DCT: variants seen among roughly 807,000 people sequenced by gnomAD.
The protein encoded by DCT is L-dopachrome tautomerase.
A neutral mutation model predicts 53.0 loss-of-function variants in DCT; 47 were observed. The observed-to-expected ratio is 0.89, with a 90% CI of 0.70 to 1.13. DCT has a LOEUF of 1.13. Among genes scored for constraint, DCT ranks in the 50% most tolerant of loss-of-function variants. The pLI is 0.00. For missense variants in DCT, 669 were observed against 637.4 expected (o/e 1.05, Z -0.53); for synonymous variants, 244 against 237.0 (o/e 1.03, Z -0.27).
the DCT span, among the ~76,000 whole-genome samples, chr13:94,498,964 C>G: frequency 2.0e-4 from 30 of 151,994 alleles, no homozygotes; most frequent in African/African-American, 6.0e-4. Flanking sequence ...GTAAAATGGA[C>G]CAATCAGCAC....
chr13:94,452,278 C>A (rs1191747848), intron 6 of DCT, among the ~76,000 whole-genome samples: 1 of 152,188 alleles, frequency 6.6e-6, no homozygotes, highest in Non-Finnish European at 1.5e-5. Context: ...GGTAACCCAC[C>A]CACCTCAGCC....
chr13:94,446,656 C>T (rs145577346), intron 6 of DCT, among the ~76,000 whole-genome samples: 52 of 152,136 alleles, frequency 3.4e-4, no homozygotes, highest in Non-Finnish European at 6.6e-4. Context: ...GACAGTGTCT[C>T]GCTTCTAGGC....
chr13:94,459,255 T>C (rs9516418), intron 6 of DCT, among the ~76,000 whole-genome samples: 55,177 of 152,052 alleles, frequency 0.36, 10,290 homozygotes, highest in African/African-American at 0.39. Context: ...GAAATTTAAA[T>C]AACTGTGAGG....
At chr13:94,499,987 T>C in the DCT span, among the ~76,000 whole-genome samples, 1 of 152,248 alleles carries the variant, frequency 6.6e-6, no homozygotes, top group Non-Finnish European at 1.5e-5. Context: ...AACATATCCA[T>C]AACATATAGT....
At chr13:94,490,360 C>T in the DCT span, among the ~76,000 whole-genome samples, 11 of 151,934 alleles carry the variant, frequency 7.2e-5, no homozygotes, top group East Asian at 1.9e-4. Context: ...CAAAAATTAG[C>T]TGGGCATGGT....
At chr13:94,472,018 A>C (rs919970115) in intron 1 of DCT, among the ~76,000 whole-genome samples, 2 of 152,202 alleles carry the variant, frequency 1.3e-5, no homozygotes, top group African/African-American at 4.8e-5. Flanking sequence ...AATATTTAAA[A>C]ATATTAATAA....
At chr13:94,544,110 G>C in the DCT span, among the ~76,000 whole-genome samples, 1 of 151,264 alleles carries the variant, frequency 6.6e-6, no homozygotes, top group Non-Finnish European at 1.5e-5. Flanking sequence ...TTTATACTTA[G>C]AGCTCATGTT....
chr13:94,478,374 G>A (rs984605917), intron 1 of DCT, among the ~76,000 whole-genome samples: 2 of 152,100 alleles, frequency 1.3e-5, no homozygotes, highest in Non-Finnish European at 2.9e-5. Flanking sequence ...CTACTTGGGA[G>A]GCTGAGGCAG....
chr13:94,462,077 G>GT lies in DCT; in HGVS notation c.975dup (p.Arg326ThrfsTer10), dbSNP rs1883839080. The GT allele has an allele frequency of 1.9e-6, 3 of 1,612,992 alleles. No homozygotes were observed. The East Asian group carries it at 6.7e-5, about 36-fold the overall frequency. On this transcript the variant is annotated frameshift_variant, in exon 5 of 8. Transcript: ENST00000377028. LOFTEE classifies it high-confidence loss of function. ...AACTTCTGGAGAGACAGGCAATCTC[G>GT]TATGTCTTTTAAGGTTGGCAATTTC...
At chr13:94,505,527 T>C in the DCT span, among the ~76,000 whole-genome samples, 1 of 152,206 alleles carries the variant, frequency 6.6e-6, no homozygotes, top group Non-Finnish European at 1.5e-5. Context: ...CTTGAGAATG[T>C]AAGCCATCTG....
intron 4 of DCT, among the ~76,000 whole-genome samples, chr13:94,464,039 C>T (rs913869189): frequency 6.6e-6 from 1 of 152,216 alleles, no homozygotes; most frequent in African/African-American, 2.4e-5. Context: ...ACGGAAATCT[C>T]TTTTCACATA....
At chr13:94,513,987 CAAAAAAAAAA>C in the DCT span, among the ~76,000 whole-genome samples, 2 of 53,192 alleles carry the variant, frequency 3.8e-5, no homozygotes, top group African/African-American at 7.6e-5. Context: ...AACTCTGTCT[CAAAAAAAAAA>C]AAAAAAAAAA....
chr13:94,548,182 C>T, the DCT span, among the ~76,000 whole-genome samples: 2 of 151,760 alleles, frequency 1.3e-5, no homozygotes, highest in South Asian at 2.1e-4. Flanking sequence ...GTCTAACAGA[C>T]ATAGCTTATG....
the DCT span, among the ~76,000 whole-genome samples, chr13:94,546,832 G>C: frequency 6.6e-6 from 1 of 152,064 alleles, no homozygotes; most frequent in African/African-American, 2.4e-5. This position sits in a 1 kb window ranked among gnomAD's most constrained non-coding sequence, Gnocchi z 4.2. Flanking sequence ...GCATTTAACT[G>C]GTACATGACC....
At chr13:94,487,258 T>G in the DCT span, among the ~76,000 whole-genome samples, 1 of 152,326 alleles carries the variant, frequency 6.6e-6, no homozygotes, top group Admixed American at 6.5e-5. Context: ...CTGTGTATCA[T>G]ACAGCTTAAT....
At chr13:94,454,281 C>T (rs535432283) in intron 6 of DCT, among the ~76,000 whole-genome samples, 64 of 152,204 alleles carry the variant, frequency 4.2e-4, no homozygotes, top group African/African-American at 5.5e-4. Flanking sequence ...ATTGAAGGAA[C>T]GTAGAACTCA....
chr13:94,463,052 T>C (rs1358136572), intron 4 of DCT, among the ~76,000 whole-genome samples: 1 of 152,220 alleles, frequency 6.6e-6, no homozygotes, highest in Non-Finnish European at 1.5e-5. Context: ...GAAGGTCCCA[T>C]GTCCGTAAGA....
chr13:94,493,531 G>T, the DCT span, among the ~76,000 whole-genome samples: 1 of 152,102 alleles, frequency 6.6e-6, no homozygotes, highest in Admixed American at 6.6e-5. Context: ...GTCATCCAAT[G>T]GTAGGCTTGA....
At chr13:94,483,700 C>T (rs1885542102), upstream of DCT, among the ~76,000 whole-genome samples, 1 of 152,146 alleles carries the variant, frequency 6.6e-6, no homozygotes, top group Admixed American at 6.5e-5. Flanking sequence ...CGAAGTTTCA[C>T]CATGTTGGCC....
Sources: allele counts gnomAD v4.1 joint callset (sites outside exome capture counted in the v4.1 genomes callset), GRCh38; gene constraint gnomAD v4.1.1; non-coding constraint Gnocchi (gnomAD v3.1); transcripts MANE v1.5; gene names NCBI Gene and HGNC (gene_info 2026-07-23, HGNC 2026-07-21).